PKNOX2: variants seen among roughly 807,000 people sequenced by gnomAD.
PKNOX2 encodes homeobox protein PKNOX2.
A neutral mutation model predicts 53.1 loss-of-function variants in PKNOX2; 14 were observed. The observed-to-expected ratio is 0.26, with a 90% CI of 0.17 to 0.41. PKNOX2 has a LOEUF of 0.41. PKNOX2 is among the 10% of genes least tolerant of loss of function. The pLI is 1.00. For synonymous variants in PKNOX2, 257 were observed against 242.8 expected, an observed-to-expected ratio of 1.06 and a Z score of -0.54; for missense variants, 496 against 602.8, an observed-to-expected ratio of 0.82 and a Z score of 1.85.
At chr11:125,366,972 A>G (rs957621351) in intron 4 of PKNOX2, among the ~76,000 whole-genome samples, 2 of 152,206 alleles carry the variant, frequency 1.3e-5, no homozygotes, top group Admixed American at 1.3e-4. Context: ...GCCCAACACC[A>G]CATGTGGGGA....
intron 5 of PKNOX2, among the ~76,000 whole-genome samples, chr11:125,382,838 T>A (rs1291857913): frequency 6.6e-6 from 1 of 152,256 alleles, no homozygotes; most frequent in African/African-American, 2.4e-5. Flanking sequence ...ATGGCTAAGC[T>A]AACGCATTGT....
chr11:125,361,808 G>C (rs1951940469), intron 4 of PKNOX2, among the ~76,000 whole-genome samples: 1 of 152,216 alleles, frequency 6.6e-6, no homozygotes, highest in Admixed American at 6.5e-5. Context: ...AAGGGAAGTT[G>C]GCAGGAGGCA....
chr11:125,210,194 T>G (rs1939658087), intron 1 of PKNOX2, among the ~76,000 whole-genome samples: 1 of 152,140 alleles, frequency 6.6e-6, no homozygotes, highest in African/African-American at 2.4e-5. Flanking sequence ...CTGGGAGTCC[T>G]GAAGAGTCCA....
intron 2 of PKNOX2, among the ~76,000 whole-genome samples, chr11:125,262,933 C>T (rs1654081178): frequency 6.6e-6 from 1 of 152,158 alleles, no homozygotes; most frequent in Admixed American, 6.5e-5. Flanking sequence ...GTTCAGTCAT[C>T]GGCGCCCCTC....
At chr11:125,308,666 C>T (rs1459927792) in intron 2 of PKNOX2, among the ~76,000 whole-genome samples, 1 of 142,336 alleles carries the variant, frequency 7.0e-6, no homozygotes, top group East Asian at 2.3e-4. Context: ...TGGAAGGGGC[C>T]GTGGAGGTCA....
chr11:125,376,706 C>T (rs191895564), intron 5 of PKNOX2, among the ~76,000 whole-genome samples: 36 of 152,280 alleles, frequency 2.4e-4, no homozygotes, highest in African/African-American at 8.2e-4. Flanking sequence ...TTCACTGATT[C>T]GTCAAAAATG....
chr11:125,184,306 C>T (rs1404011637), intron 1 of PKNOX2: 1 of 152,210 alleles, frequency 6.6e-6, no homozygotes. Context: ...CCTTGACACT[C>T]ATTCCCCTTC....
At position 125,429,812 on chromosome 11, in the gene PKNOX2, G is replaced by C. The variant is rs778318664; in HGVS notation, c.1014-151G>C. The C allele has an allele frequency of 5.8e-6, 5 of 862,662 alleles. No homozygotes were observed. The Admixed American group carries it at 1.1e-4, about 18-fold the overall frequency. 53.4% of individuals were successfully genotyped at this position (862,662 alleles called of 1,614,324 possible). A position where few individuals can be genotyped will look rare whatever the true frequency, so the allele number is the denominator to read the frequency against. ...AATTTCATGAACTTCTCAGCACCCA[G>C]GGCCCTCCTCCTTGCTGGGCTTTTA... On this transcript the variant is annotated intron_variant, in intron 11 of 12. Transcript: ENST00000298282.
At position 125,164,976 on chromosome 11, in the gene PKNOX2, C is replaced by A. The variant is rs1317477139; in HGVS notation, c.-201+200C>A. Among the ~76,000 whole-genome samples the A allele has an allele frequency of 2.0e-5, 3 of 151,564 alleles. No homozygotes were observed. In the East Asian group the frequency reaches 5.9e-4, roughly 30 times the overall value. ...GCAGGGAGGAGAGAGAGGGAGGCAG[C>A]AGGGAGGAGGGAGGCAGGGAGCAGC... On this transcript the variant is annotated intron_variant, in intron 1 of 12. Transcript: ENST00000298282.
At chr11:125,340,979 G>A (rs1027876696) in intron 3 of PKNOX2, among the ~76,000 whole-genome samples, 1 of 148,492 alleles carries the variant, frequency 6.7e-6, no homozygotes, top group African/African-American at 2.6e-5. Flanking sequence ...GAACCCGGAA[G>A]GCAGAGGTTG....
intron 1 of PKNOX2, among the ~76,000 whole-genome samples, chr11:125,199,584 C>T (rs1938193445): frequency 6.6e-6 from 1 of 152,220 alleles, no homozygotes; most frequent in Admixed American, 6.5e-5. Flanking sequence ...TGGCTCACAC[C>T]TGTAATCCCA....
chr11:125,288,131 T>C (rs1215661084), intron 2 of PKNOX2: 1 of 152,204 alleles, frequency 6.6e-6, no homozygotes, highest in South Asian at 2.1e-4. Context: ...GAGACTGTTT[T>C]TTCGCTCCAG....
At position 125,370,910 on chromosome 11, in the gene PKNOX2, C is replaced by T. The variant is rs1289106101; in HGVS notation, c.227+2925C>T. Among the ~76,000 whole-genome samples, 1 of 152,230 alleles carries T rather than the reference C, an allele frequency of 6.6e-6. No individual in the cohort carries two copies. The highest frequency in any genetic ancestry group is 1.5e-5 in the Non-Finnish European group (1 of 68,040). ...CCCCACACTGGCTTTTGGGAGCCCC[C>T]ATCATGGCCCCTGCTAGAACCACAG... On this transcript the variant is annotated intron_variant, in intron 5 of 12. Transcript: ENST00000298282. This position sits in a 1 kb window ranked among gnomAD's most constrained non-coding sequence, Gnocchi z 4.1.
intron 5 of PKNOX2, among the ~76,000 whole-genome samples, chr11:125,385,230 G>C (rs1316343961): frequency 2.0e-5 from 3 of 152,134 alleles, no homozygotes; most frequent in Non-Finnish European, 4.4e-5. Context: ...GCCAGAAATG[G>C]ACACCTACTT....
At chr11:125,342,930 T>A (rs2136164682) in intron 3 of PKNOX2, among the ~76,000 whole-genome samples, 1 of 152,268 alleles carries the variant, frequency 6.6e-6, no homozygotes, top group East Asian at 1.9e-4. Context: ...AGCTCTCTTC[T>A]TTCCCTGGGC....
intron 1 of PKNOX2, among the ~76,000 whole-genome samples, chr11:125,177,034 T>C (rs1268524657): frequency 6.6e-6 from 1 of 152,218 alleles, no homozygotes; most frequent in African/African-American, 2.4e-5. Context: ...GAGTCTGATT[T>C]CTGGAAAGCC....
At chr11:125,274,679 C>T (rs564664189) in intron 2 of PKNOX2, among the ~76,000 whole-genome samples, 12 of 152,216 alleles carry the variant, frequency 7.9e-5, no homozygotes, top group South Asian at 6.2e-4. Context: ...CAGGCCAGGA[C>T]GCTGGGCCAT....
At chr11:125,274,497 G>A (rs757944692) in intron 2 of PKNOX2, among the ~76,000 whole-genome samples, 5 of 152,198 alleles carry the variant, frequency 3.3e-5, no homozygotes, top group Non-Finnish European at 5.9e-5. Context: ...TCATGAAACC[G>A]TGGCCTTTTG....
At chr11:125,303,214 G>A (rs12294803) in intron 2 of PKNOX2, among the ~76,000 whole-genome samples, 23,692 of 152,218 alleles carry the variant, frequency 0.16, 2,025 homozygotes, top group East Asian at 0.33. Context: ...TTTGAATTTT[G>A]CTTTTCAATT....
Sources: allele counts gnomAD v4.1 joint callset (sites outside exome capture counted in the v4.1 genomes callset), GRCh38; gene constraint gnomAD v4.1.1; non-coding constraint Gnocchi (gnomAD v3.1); transcripts MANE v1.5; gene names NCBI Gene and HGNC (gene_info 2026-07-23, HGNC 2026-07-21).